The following ADAM2 variants were observed in gnomAD, a reference collection of about 807,000 sequenced individuals.
The protein encoded by ADAM2 is disintegrin and metalloproteinase domain-containing protein 2.
In ADAM2, 101 loss-of-function variants were observed where a neutral mutation model predicts 99.3. That is an observed-to-expected ratio of 1.02 (90% CI 0.87 to 1.20). ADAM2 has a LOEUF of 1.20. Ranked by LOEUF, ADAM2 falls within the 50% of genes most tolerant of loss-of-function variation. The pLI, the probability that ADAM2 is intolerant of heterozygous loss-of-function variation, is 0.00. For synonymous variants in ADAM2, 323 were observed against 287.6 expected (o/e 1.12, Z -1.25); for missense variants, 948 against 878.7 (o/e 1.08, Z -1.00).
intron 16 of ADAM2, among the ~76,000 whole-genome samples, chr8:39,750,983 A>T (rs1267844790): frequency 1.3e-5 from 2 of 152,120 alleles, no homozygotes; most frequent in African/African-American, 4.8e-5. Context: ...ATTTTGGGAG[A>T]TTTTTCCTCT....
chr8:39,788,240 T>A lies in ADAM2; in HGVS notation c.654A>T (p.Ser218=). ...AAGACAGAATAATTGTAATATTAAA[T>A]GAAACAAAAATCTAAAATAGAAAAC... The part of the protein sequence containing the change: ...LIGLTNAIFV[S]FNITIILSSL... Residue 218 remains serine, a synonymous_variant, in exon 9 of 21, where the codon TCA becomes TCT. Coordinates refer to ENST00000265708, the MANE Select transcript of ADAM2 (RefSeq NM_001464.5). The A allele has an allele frequency of 6.6e-7, 1 of 1,512,892 alleles. No homozygotes were observed. Among genetic ancestry groups the A allele is most frequent in the Non-Finnish European group, 8.9e-7 (1 of 1,127,028 alleles). The allele number at this position is 1,512,892 out of a possible 1,614,324, so 93.7% of individuals were successfully genotyped here. A position where few individuals can be genotyped will look rare whatever the true frequency, so the allele number is the denominator to read the frequency against.
intron 6 of ADAM2, among the ~76,000 whole-genome samples, chr8:39,814,475 A>G (rs1360051896): frequency 6.6e-6 from 1 of 152,206 alleles, no homozygotes; most frequent in Admixed American, 6.5e-5. Context: ...ATTTAGGACA[A>G]AGGTTGCCTT....
intron 16 of ADAM2, among the ~76,000 whole-genome samples, chr8:39,753,004 T>A (rs1802007340): frequency 6.6e-6 from 1 of 152,090 alleles, no homozygotes; most frequent in Non-Finnish European, 1.5e-5. Context: ...GTACCAGGAA[T>A]GGAGTGCTGC....
At chr8:39,771,363 G>T (rs1039296388) in intron 11 of ADAM2, among the ~76,000 whole-genome samples, 1 of 152,020 alleles carries the variant, frequency 6.6e-6, no homozygotes. Context: ...CCAACAACTG[G>T]AATGTTACTA....
intron 3 of ADAM2, among the ~76,000 whole-genome samples, chr8:39,833,063 T>TTAC (rs1490503889): frequency 2.0e-5 from 3 of 152,144 alleles, no homozygotes; most frequent in Non-Finnish European, 2.9e-5. Flanking sequence ...AGAGGATGCT[T>TTAC]TACTACTGGT....
At chr8:39,784,566 T>G (rs1239737840) in intron 10 of ADAM2, among the ~76,000 whole-genome samples, 2 of 152,104 alleles carry the variant, frequency 1.3e-5, no homozygotes, top group African/African-American at 4.8e-5. Context: ...ATTGTAGAAA[T>G]GAGTTCTTAC....
chr8:39,745,038 A>T (rs1823391347), intron 19 of ADAM2, 145 bp from the exon 20 acceptor site: 1 of 595,772 alleles, frequency 1.7e-6, no homozygotes, highest in Non-Finnish European at 2.9e-6. Flanking sequence ...TATCACTGAG[A>T]ACATCTCTGC....
In ADAM2 at chr8:39,788,122, G is replaced by A; in HGVS notation, c.772C>T (p.Leu258Phe). ...HTFLRWKTSY[L>F]VLRPHDVAFL... Reference sequence around the variant, plus strand: ...GCCACATCATGAGGACGTAAAACAAGATAAGATGTTTTCCATCTTAAAAAT... The same window carrying A: ...GCCACATCATGAGGACGTAAAACAAAATAAGATGTTTTCCATCTTAAAAAT... Residue 258 changes from leucine (L) to phenylalanine (F), a missense_variant, in exon 9 of 21, where the codon CTT (leucine) becomes TTT (phenylalanine). Physicochemically the swap from Leu to Phe is conservative, Grantham distance 22 (BLOSUM62 0). Coordinates refer to ENST00000265708, the MANE Select transcript of ADAM2 (RefSeq NM_001464.5). The A allele has an allele frequency of 6.4e-7, 1 of 1,566,854 alleles. No homozygotes were observed. The highest frequency in any genetic ancestry group is 8.6e-7 in the Non-Finnish European group (1 of 1,159,122).
intron 11 of ADAM2, among the ~76,000 whole-genome samples, chr8:39,776,180 A>G (rs966071285): frequency 6.6e-6 from 1 of 152,104 alleles, no homozygotes; most frequent in Non-Finnish European, 1.5e-5. Flanking sequence ...CTATCAGATC[A>G]TGTATTGATG....
intron 6 of ADAM2, among the ~76,000 whole-genome samples, chr8:39,809,773 C>T (rs1804615598): frequency 6.6e-6 from 1 of 152,068 alleles, no homozygotes; most frequent in South Asian, 2.1e-4. Context: ...ACAAGAGCTC[C>T]TGAAGGAAGC....
chr8:39,784,173 A>G (rs1803356289), intron 10 of ADAM2, among the ~76,000 whole-genome samples: 1 of 152,176 alleles, frequency 6.6e-6, no homozygotes, highest in Admixed American at 6.5e-5. Context: ...TCTCTTCAAC[A>G]TCTTACTTCT....
Position 39,821,604 on chromosome 8 carries a change from C to A in ADAM2, c.326G>T (p.Ser109Ile). The A allele has an allele frequency of 1.9e-6, 3 of 1,605,602 alleles. No individual in the cohort carries two copies. Among genetic ancestry groups the A allele is most frequent in the Non-Finnish European group, 2.6e-6 (3 of 1,172,894 alleles). ...TTACAACCTGAGTCCAGTACATGTG[C>A]TAACCATCACCACAGATTTTGGATA... is the stretch of plus-strand genomic sequence containing the variant. ...EGYPKSVVMV[S>I]TCTGLRGVLQ... is the part of the protein sequence containing the mutation. Residue 109 changes from serine to isoleucine, a missense_variant, in exon 5 of 21, where the codon AGC (serine) becomes ATC (isoleucine). By Grantham distance (142) the Ser-to-Ile change is moderately radical. Transcript: ENST00000265708.
intron 7 of ADAM2, among the ~76,000 whole-genome samples, chr8:39,799,128 T>C (rs1804100092): frequency 6.6e-6 from 1 of 152,212 alleles, no homozygotes; most frequent in South Asian, 2.1e-4. Context: ...TTAATTGTGA[T>C]GTTAGACTCA....
chr8:39,745,190 C>T (rs1160344542), intron 19 of ADAM2, among the ~76,000 whole-genome samples: 7 of 152,096 alleles, frequency 4.6e-5, no homozygotes. Flanking sequence ...AAACTTTTTG[C>T]CATTCATTTT....
intron 7 of ADAM2, among the ~76,000 whole-genome samples, chr8:39,805,414 G>A (rs1270768694): frequency 6.6e-6 from 1 of 152,162 alleles, no homozygotes; most frequent in East Asian, 1.9e-4. Context: ...GGAAAATGTA[G>A]TGAGACTCCT....
At chr8:39,772,832 T>C (rs1354560230) in intron 11 of ADAM2, among the ~76,000 whole-genome samples, 5 of 151,950 alleles carry the variant, frequency 3.3e-5, no homozygotes, top group African/African-American at 1.2e-4. Flanking sequence ...ATGTGTCTAA[T>C]ATTTTGTATT....
intron 6 of ADAM2, 143 bp from the exon 7 acceptor site, chr8:39,809,609 A>T (rs556533084): frequency 3.9e-6 from 2 of 515,492 alleles, no homozygotes; most frequent in African/African-American, 4.0e-5. Flanking sequence ...GCAACACTAG[A>T]TATCATAAAA....
At chr8:39,807,787 A>C (rs771491503) in intron 7 of ADAM2, among the ~76,000 whole-genome samples, 14 of 152,316 alleles carry the variant, frequency 9.2e-5, no homozygotes, top group African/African-American at 2.6e-4. Context: ...TGAAGCCAGA[A>C]ATATATAAAA....
intron 6 of ADAM2, among the ~76,000 whole-genome samples, chr8:39,812,758 A>T (rs1224193932): frequency 6.6e-6 from 1 of 152,248 alleles, no homozygotes; most frequent in Non-Finnish European, 1.5e-5. Context: ...TACCTTATAC[A>T]AAAATTAATT....
Sources: gnomAD v4.1 joint callset for allele counts (sites outside exome capture counted in the v4.1 genomes callset) on GRCh38, gnomAD v4.1.1 for gene constraint, MANE v1.5 for transcripts, NCBI Gene and HGNC (gene_info 2026-07-23, HGNC 2026-07-21) for gene names.